Variants in RBM41 observed in about 807,000 individuals in gnomAD.
The protein encoded by RBM41 is RNA-binding protein 41.
In RBM41, 14 loss-of-function variants were observed where a neutral mutation model predicts 30.8. The ratio of observed to expected loss-of-function variants is 0.45; its 90% confidence interval spans 0.30 to 0.71. The LOEUF is 0.71. Ranked by LOEUF, RBM41 falls within the 30% of genes least tolerant of loss-of-function variation. The probability of loss-of-function intolerance (pLI) is 0.08; values close to 1 mark genes in which losing one functional copy is unlikely to be tolerated. For synonymous variants in RBM41, 120 were observed against 110.1 expected, an observed-to-expected ratio of 1.09 and a Z score of -0.56; for missense variants, 276 against 326.3, an observed-to-expected ratio of 0.85 and a Z score of 1.19.
intron 5 of RBM41, among the ~76,000 whole-genome samples, chrX:107,111,268 G>T (rs1165104382): frequency 9.0e-6 from 1 of 111,176 alleles, no homozygotes; most frequent in African/African-American, 3.3e-5. Flanking sequence ...ATATACAAAT[G>T]GCCAAAAAGC....
intron 5 of RBM41, among the ~76,000 whole-genome samples, chrX:107,111,277 G>A (rs375153849): frequency 9.0e-6 from 1 of 111,500 alleles, no homozygotes; most frequent in Admixed American, 9.5e-5. Flanking sequence ...TGGCCAAAAA[G>A]CATGTGAAAA....
In RBM41 at chrX:107,082,216, A is replaced by G. The variant is rs749436716; in HGVS notation, c.999+6220T>C. ...TCCTAGTTTGCTGAGAGTTTTTATC[A>G]TGAATCGATGTTAAGATATTTCAAA... On this transcript the variant is annotated intron_variant, in intron 6 of 7. Coordinates refer to ENST00000685964, the MANE Select transcript of RBM41 (RefSeq NM_001324242.2). Among the ~76,000 whole-genome samples the G allele has an allele frequency of 5.4e-5, 6 of 111,572 alleles. No homozygotes were observed. In the South Asian group the frequency reaches 1.5e-3, roughly 28 times the overall value.
intron 5 of RBM41, among the ~76,000 whole-genome samples, chrX:107,099,656 T>C (rs1448937841): frequency 9.3e-6 from 1 of 107,684 alleles, no homozygotes; most frequent in Non-Finnish European, 1.9e-5. Flanking sequence ...ACAAACAATA[T>C]AGGCTCAGAC....
intron 5 of RBM41, among the ~76,000 whole-genome samples, chrX:107,112,637 C>T (rs989484001): frequency 1.8e-5 from 2 of 111,564 alleles, no homozygotes; most frequent in African/African-American, 6.5e-5. Context: ...AACCCGAATG[C>T]ACTTCAATGG....
rs1366604734 is a variant in RBM41 at position 107,062,033 on chromosome X, C to T, written c.*5494G>A. Among the ~76,000 whole-genome samples the T allele has an allele frequency of 1.8e-5, 2 of 112,088 alleles. No homozygotes were observed. Among genetic ancestry groups the T allele is most frequent in the Non-Finnish European group, 3.8e-5 (2 of 53,262 alleles). ...ACACGGAAAATTTCAATTATTAAGA[C>T]AAATTCCTCATGCTACCACTTTGTA... On this transcript the variant is annotated 3_prime_UTR_variant, in exon 8 of 8. Transcript: ENST00000685964.
intron 6 of RBM41, among the ~76,000 whole-genome samples, chrX:107,076,286 C>T: frequency 9.3e-6 from 1 of 107,427 alleles, no homozygotes. Flanking sequence ...CACTGTATTC[C>T]AGCTCAGACG....
intron 6 of RBM41, among the ~76,000 whole-genome samples, chrX:107,077,977 T>C (rs1921138667): frequency 9.0e-6 from 1 of 111,690 alleles, no homozygotes; most frequent in Non-Finnish European, 1.9e-5. Context: ...GCAGTATTGA[T>C]ACATTATTAT....
At chrX:107,079,345 C>T (rs1213911287) in intron 6 of RBM41, among the ~76,000 whole-genome samples, 1 of 111,809 alleles carries the variant, frequency 8.9e-6, no homozygotes, top group Non-Finnish European at 1.9e-5. Flanking sequence ...AACCTGGCCC[C>T]CGCCATCTGC....
At position 107,065,507 on chromosome X, in the gene RBM41, C is replaced by T. The variant is rs773920101; in HGVS notation, c.*2020G>A. ...CCTATTCCTATATAAACCCATCCCC[C>T]GCTTTGTGGTATTATTGTTATATAT... On this transcript the variant is annotated 3_prime_UTR_variant, in exon 8 of 8. Transcript: ENST00000685964. 12 of 251,138 alleles carry T rather than the reference C, an allele frequency of 4.8e-5. No individual in the cohort carries two copies. Among genetic ancestry groups the T allele is most frequent in the East Asian group, 6.6e-5 (1 of 15,253 alleles). 20.7% of individuals were successfully genotyped at this position (251,138 alleles called of 1,213,427 possible).
chrX:107,106,793 C>T (rs1219600129), intron 5 of RBM41, among the ~76,000 whole-genome samples: 1 of 105,421 alleles, frequency 9.5e-6, no homozygotes, highest in Non-Finnish European at 1.9e-5. Flanking sequence ...ACTGCATGTT[C>T]TCACTCATAG....
chrX:107,059,780 ATACT>A (rs1935611857), downstream of RBM41, among the ~76,000 whole-genome samples: 1 of 111,923 alleles, frequency 8.9e-6, no homozygotes, highest in Non-Finnish European at 1.9e-5. Context: ...CCCAAAGGTT[ATACT>A]TACTTATACT....
rs1040190438 is a variant in RBM41, at chrX:107,064,584, G to C, written c.*2943C>G. ...AAGTGTGTCTGATTTCCACATATTT[G>C]TGAGTTTCCCAACTTTTCATTGTTT... On this transcript the variant is annotated 3_prime_UTR_variant, in exon 8 of 8. Coordinates refer to ENST00000685964, the MANE Select transcript of RBM41 (RefSeq NM_001324242.2). The C allele has an allele frequency of 2.7e-5, 3 of 111,097 alleles. No individual in the cohort carries two copies. Among genetic ancestry groups the C allele is most frequent in the Admixed American group, 9.6e-5 (1 of 10,468 alleles). 9.2% of individuals were successfully genotyped at this position (111,097 alleles called of 1,213,427 possible).
At chrX:107,118,279 ACTTT>A (rs1925055671) in intron 1 of RBM41, among the ~76,000 whole-genome samples, 1 of 100,500 alleles carries the variant, frequency 1.0e-5, no homozygotes, top group Non-Finnish European at 2.0e-5. Flanking sequence ...CCGCTCCCTT[ACTTT>A]AAGATTCGAA....
chrX:107,083,919 T>G (rs6622148), intron 6 of RBM41, among the ~76,000 whole-genome samples: 20 of 102,881 alleles, frequency 1.9e-4, no homozygotes, highest in Admixed American at 3.1e-4. Flanking sequence ...GAATGTGTGT[T>G]TTTTTTTTTT....
intron 6 of RBM41, chrX:107,069,961 G>C: frequency 6.8e-6 from 1 of 146,578 alleles, no homozygotes; most frequent in Non-Finnish European, 1.3e-5. Context: ...AAAATAATTG[G>C]ATGAGCAGGA....
chrX:107,104,556 T>G (rs1436324276), intron 5 of RBM41, among the ~76,000 whole-genome samples: 1 of 111,481 alleles, frequency 9.0e-6, no homozygotes, highest in Non-Finnish European at 1.9e-5. Flanking sequence ...GGGCTTAAAT[T>G]TTTACATTTC....
In RBM41 at chrX:107,062,638, G is replaced by C. The variant is rs1162906629; in HGVS notation, c.*4889C>G. ...AGAATATTTTTTAAAAAATTTTTTA[G>C]TTAAAAAAAAAAATGAAAAAAGTAA... On this transcript the variant is annotated 3_prime_UTR_variant, in exon 8 of 8. Transcript: ENST00000685964. Among the ~76,000 whole-genome samples, 2 of 105,898 alleles carry C rather than the reference G, an allele frequency of 1.9e-5. No individual in the cohort carries two copies. Among genetic ancestry groups the C allele is most frequent in the Non-Finnish European group, 3.8e-5 (2 of 52,273 alleles). 92.0% of individuals were successfully genotyped at this position (105,898 alleles called of 115,157 possible).
At chrX:107,092,274 A>G (rs1354131286) in intron 5 of RBM41, among the ~76,000 whole-genome samples, 1 of 110,954 alleles carries the variant, frequency 9.0e-6, no homozygotes, top group African/African-American at 3.3e-5. Context: ...GACCAAAAAA[A>G]AAAAACCCCA....
rs1935710280 is a variant in RBM41 at position 107,063,284 on chromosome X, A to C, written c.*4243T>G. Among the ~76,000 whole-genome samples, 1 of 111,335 alleles carries C rather than the reference A, an allele frequency of 9.0e-6. No homozygotes were observed. The highest frequency in any genetic ancestry group is 1.9e-5 in the Non-Finnish European group (1 of 53,058). On this transcript the variant is annotated 3_prime_UTR_variant, in exon 8 of 8. Coordinates refer to ENST00000685964, the MANE Select transcript of RBM41 (RefSeq NM_001324242.2). Reference sequence around the variant, plus strand: ...CTCTATATATTTGCCAATTCTGGACACTTCATATAAATAGTATCATATAAT... The same window carrying C: ...CTCTATATATTTGCCAATTCTGGACCCTTCATATAAATAGTATCATATAAT...
Sources: allele counts gnomAD v4.1 joint callset (sites outside exome capture counted in the v4.1 genomes callset), GRCh38; gene constraint gnomAD v4.1.1; transcripts MANE v1.5; gene names NCBI Gene and HGNC (gene_info 2026-07-23, HGNC 2026-07-21).